Variants in CNTNAP4 observed in about 807,000 individuals in gnomAD.
The protein encoded by CNTNAP4 is contactin associated protein family member 4.
In CNTNAP4, 98 loss-of-function variants were observed where a neutral mutation model predicts 148.4. The ratio of observed to expected loss-of-function variants is 0.66; its 90% CI spans 0.56 to 0.78. The LOEUF (loss-of-function observed/expected upper bound fraction) is 0.78, where lower values mean the gene tolerates loss of function less well. Ranked by LOEUF, CNTNAP4 falls within the 30% of genes least tolerant of loss-of-function variation. The pLI is 0.00. For synonymous variants in CNTNAP4, 730 were observed against 565.1 expected (o/e 1.29, Z -4.14); for missense variants, 1,935 against 1,565.6 (o/e 1.24, Z -3.98).
chr16:76,466,228 C>A (rs1282379680), intron 9 of CNTNAP4, among the ~76,000 whole-genome samples: 1 of 152,096 alleles, frequency 6.6e-6, no homozygotes, highest in African/African-American at 2.4e-5. Context: ...TAATGATCTC[C>A]AGTTCCATCC....
Position 76,522,061 on chromosome 16 carries a change from A to T in CNTNAP4, c.2559A>T (p.Ser853=), listed in dbSNP as rs778160561. 6.2e-7 allele frequency: 1 copy of T among 1,613,886 alleles called. No individual in the cohort carries two copies. The highest frequency in any genetic ancestry group is 1.1e-5 in the South Asian group (1 of 91,078). ...ELRSPTVVTF[S]FDVGNGPFEI... is the part of the protein sequence containing the mutation. The stretch of plus-strand genomic sequence containing the variant: ...CAGCTCCGACAGTAGTGACTTTTTC[A>T]TTTGATGTGGGGAATGGGCCTTTTG... Residue 853 remains serine, a synonymous_variant, in exon 17 of 24, where the codon TCA becomes TCT. Transcript: ENST00000611870.
In CNTNAP4 at chr16:76,326,145, T is replaced by A. The variant is rs116474066; in HGVS notation, c.196+9622T>A. The stretch of plus-strand genomic sequence containing the variant: ...TTCAAGGAGGCCAGCATAACCTTGA[T>A]ACCAAACAGTGTCAAGGACAAACAA... On this transcript the variant is annotated intron_variant, in intron 2 of 23. Transcript: ENST00000611870. 2.0e-3 allele frequency among the ~76,000 whole-genome samples: 309 copies of A among 152,186 alleles called. 3 individuals carry two copies. The highest frequency in any genetic ancestry group is 7.2e-3 in the African/African-American group (300 of 41,532).
chr16:76,497,410 A>G (rs1441748793), intron 14 of CNTNAP4, among the ~76,000 whole-genome samples: 1 of 152,198 alleles, frequency 6.6e-6, no homozygotes, highest in African/African-American at 2.4e-5. Flanking sequence ...AAATATAGCT[A>G]AAATGTGAAT....
chr16:76,462,225 C>T (rs1378595870), intron 9 of CNTNAP4, 120 bp downstream of exon 9: 5 of 928,602 alleles, frequency 5.4e-6, no homozygotes, highest in African/African-American at 1.7e-5. Flanking sequence ...TTTTCACTGT[C>T]TTTGATCACG....
At chr16:76,362,594 TAAAC>T (rs1460552608) in intron 3 of CNTNAP4, among the ~76,000 whole-genome samples, 2 of 152,080 alleles carry the variant, frequency 1.3e-5, no homozygotes, top group Admixed American at 6.5e-5. Context: ...AGTCCAGAAA[TAAAC>T]CCATACATCT....
chr16:76,530,438 C>T (rs1597078839), intron 17 of CNTNAP4, among the ~76,000 whole-genome samples: 1 of 152,136 alleles, frequency 6.6e-6, no homozygotes, highest in African/African-American at 2.4e-5. Context: ...TCTTAGCGAT[C>T]ATTGACTGAG....
At chr16:76,317,968 T>C (rs552012948) in intron 2 of CNTNAP4, among the ~76,000 whole-genome samples, 1 of 152,258 alleles carries the variant, frequency 6.6e-6, no homozygotes, top group Non-Finnish European at 1.5e-5. Context: ...TTTGTGTAGA[T>C]AATGCTAGCG....
chr16:76,350,314 AT>A (rs1965265449), intron 2 of CNTNAP4, among the ~76,000 whole-genome samples: 1 of 152,200 alleles, frequency 6.6e-6, no homozygotes, highest in South Asian at 2.1e-4. Flanking sequence ...TATTGGGAAA[AT>A]TTACTTAGCC....
At chr16:76,505,098 C>T (rs1009356792) in intron 15 of CNTNAP4, among the ~76,000 whole-genome samples, 2 of 152,142 alleles carry the variant, frequency 1.3e-5, no homozygotes, top group African/African-American at 4.8e-5. Flanking sequence ...TATGACCCAG[C>T]AATCCCCATC....
intron 3 of CNTNAP4, among the ~76,000 whole-genome samples, chr16:76,396,646 A>G (rs555992518): frequency 1.3e-5 from 2 of 152,270 alleles, no homozygotes; most frequent in South Asian, 2.1e-4. Context: ...TTCAATAGTA[A>G]AACATCATCC....
intron 1 of CNTNAP4, among the ~76,000 whole-genome samples, chr16:76,293,557 G>A (rs1959174300): frequency 6.6e-6 from 1 of 152,072 alleles, no homozygotes; most frequent in South Asian, 2.1e-4. Context: ...ATTTCAGAGG[G>A]AATTAATTAA....
At chr16:76,391,295 C>A (rs1020765418) in intron 3 of CNTNAP4, among the ~76,000 whole-genome samples, 2 of 152,104 alleles carry the variant, frequency 1.3e-5, no homozygotes, top group African/African-American at 4.8e-5. Context: ...CTCAAATGTT[C>A]GCATTTGACG....
chr16:76,541,091 T>C (rs964109668), intron 21 of CNTNAP4, among the ~76,000 whole-genome samples: 4 of 152,112 alleles, frequency 2.6e-5, no homozygotes, highest in Non-Finnish European at 5.9e-5. Flanking sequence ...TAATTGAAAA[T>C]AAAAAATAAC....
intron 2 of CNTNAP4, among the ~76,000 whole-genome samples, chr16:76,325,924 A>C: frequency 6.6e-6 from 1 of 152,272 alleles, no homozygotes; most frequent in East Asian, 1.9e-4. Context: ...ACTGCACTCA[A>C]TAAATAAAAA....
At chr16:76,490,217 A>G (rs1264495127) in intron 13 of CNTNAP4, among the ~76,000 whole-genome samples, 1 of 152,196 alleles carries the variant, frequency 6.6e-6, no homozygotes, top group African/African-American at 2.4e-5. Flanking sequence ...AGTGACACAT[A>G]AGGTTTATTT....
intron 2 of CNTNAP4, among the ~76,000 whole-genome samples, chr16:76,340,853 C>T (rs890445045): frequency 1.2e-4 from 18 of 152,326 alleles, no homozygotes; most frequent in African/African-American, 3.8e-4. Context: ...TATGTCTGCA[C>T]TGCCAATCAG....
intron 3 of CNTNAP4, among the ~76,000 whole-genome samples, chr16:76,377,682 A>G (rs9931521): frequency 0.16 from 24,686 of 152,200 alleles, 2,606 homozygotes; most frequent in East Asian, 0.45. Context: ...TGCTATCACC[A>G]GCTGACACTC....
Position 76,406,917 on chromosome 16 carries a change from A to G in CNTNAP4, c.391-20535A>G, listed in dbSNP as rs182580126. On this transcript the variant is annotated intron_variant, in intron 3 of 23. Transcript: ENST00000611870. Reference sequence around the variant, plus strand: ...GAAGCTGCAGTAAGTTATCCAGAAGATGTAGCTAAGATCATAGGTAAAGGT... The same window carrying G: ...GAAGCTGCAGTAAGTTATCCAGAAGGTGTAGCTAAGATCATAGGTAAAGGT... Among the ~76,000 whole-genome samples the G allele has an allele frequency of 9.7e-4, 147 of 152,312 alleles. 1 individual carries two copies. The highest frequency in any genetic ancestry group is 3.3e-3 in the African/African-American group (137 of 41,564).
At chr16:76,450,904 G>A (rs2080441965) in intron 7 of CNTNAP4, among the ~76,000 whole-genome samples, 1 of 152,190 alleles carries the variant, frequency 6.6e-6, no homozygotes, top group African/African-American at 2.4e-5. Context: ...CCTGGCAGGG[G>A]AAGTGCGAGG....
Sources: allele counts gnomAD v4.1 joint callset (sites outside exome capture counted in the v4.1 genomes callset), GRCh38; gene constraint gnomAD v4.1.1; transcripts MANE v1.5; gene names NCBI Gene and HGNC (gene_info 2026-07-23, HGNC 2026-07-21).